Variants in SMG1 observed in about 807,000 individuals in gnomAD.
SMG1 encodes the protein SMG1 nonsense mediated mRNA decay associated PI3K related kinase.
SMG1 carries 22 observed loss-of-function variants against 419.9 expected under a neutral mutation model. The observed-to-expected ratio is 0.05, with a 90% CI of 0.04 to 0.07. The LOEUF is 0.07. Ranked by LOEUF, SMG1 falls within the 10% of genes least tolerant of loss-of-function variation. The pLI is 1.00. For synonymous variants in SMG1, 1,538 were observed against 1,553.5 expected, an observed-to-expected ratio of 0.99 and a Z score of 0.23; for missense variants, 3,185 against 4,342.0, an observed-to-expected ratio of 0.73 and a Z score of 7.49.
At chr16:18,841,926 T>A in intron 40 of SMG1, 132 bp from the exon 41 acceptor site, 1 of 806,990 alleles carries the variant, frequency 1.2e-6, no homozygotes, top group Non-Finnish European at 2.0e-6. Flanking sequence ...CATTAAAGAA[T>A]TCTATTTTGG....
intron 38 of SMG1, among the ~76,000 whole-genome samples, chr16:18,846,164 T>A (rs1411903837): frequency 6.6e-6 from 1 of 152,128 alleles, no homozygotes; most frequent in Non-Finnish European, 1.5e-5. Flanking sequence ...AGGCAGCTCC[T>A]CTTTTCAATG....
At chr16:18,889,696 C>A in intron 5 of SMG1, 111 bp from the exon 6 acceptor site, 1 of 598,546 alleles carries the variant, frequency 1.7e-6, no homozygotes, top group South Asian at 1.9e-5. Flanking sequence ...TTTTAAATTT[C>A]TATTCAAACT....
intron 1 of SMG1, among the ~76,000 whole-genome samples, chr16:18,913,200 T>C (rs1486728187): frequency 6.6e-6 from 1 of 152,066 alleles, no homozygotes; most frequent in Non-Finnish European, 1.5e-5. Context: ...ACTTCCACTA[T>C]TAAAATCAAA....
intron 6 of SMG1, among the ~76,000 whole-genome samples, chr16:18,888,499 A>G (rs2036736807): frequency 2.6e-5 from 4 of 151,082 alleles, no homozygotes; most frequent in Admixed American, 2.6e-4. Flanking sequence ...TTTTTGAGAC[A>G]GAGTCTGGCT....
chr16:18,839,764 C>A lies in SMG1; in HGVS notation c.6879G>T (p.Pro2293=), dbSNP rs771397728. The A allele has an allele frequency of 6.2e-7, 1 of 1,613,928 alleles. No individual in the cohort carries two copies. The highest frequency in any genetic ancestry group is 1.1e-5 in the South Asian group (1 of 91,074). The part of the protein sequence containing the change: ...VLEELMEATP[P]NLLAKELWSS... ...ACCAGAGCTCTTTGGCAAGGAGATT[C>A]GGGGGTGTGGCCTCCATTAACTCTT... Residue 2293 remains proline, a synonymous_variant, in exon 42 of 63, where the codon CCG becomes CCT. Coordinates refer to ENST00000446231, the MANE Select transcript of SMG1 (RefSeq NM_015092.5).
At chr16:18,915,837 G>A (rs2037951279) in intron 1 of SMG1, among the ~76,000 whole-genome samples, 1 of 151,822 alleles carries the variant, frequency 6.6e-6, no homozygotes, top group African/African-American at 2.4e-5. Context: ...GGGAGGCCGA[G>A]GCAGGTGGAT....
At chr16:18,901,110 C>T (rs1416776442) in intron 1 of SMG1, among the ~76,000 whole-genome samples, 1 of 152,144 alleles carries the variant, frequency 6.6e-6, no homozygotes, top group African/African-American at 2.4e-5. Context: ...AATGAGTATG[C>T]ATCAGTTTTG....
intron 22 of SMG1, among the ~76,000 whole-genome samples, chr16:18,867,585 A>AT (rs1434126474): frequency 2.0e-5 from 3 of 151,442 alleles, no homozygotes; most frequent in African/African-American, 4.8e-5. Context: ...CCATAAACAA[A>AT]TTTTCAGAAC....
At position 18,838,606 on chromosome 16, in the gene SMG1, T is replaced by C. The variant is rs778706089; in HGVS notation, c.7029A>G (p.Ile2343Met). 1 of 1,613,698 alleles carries C rather than the reference T, an allele frequency of 6.2e-7. No homozygotes were observed. Among genetic ancestry groups the C allele is most frequent in the South Asian group, 1.1e-5 (1 of 91,082 alleles). ...GAACAACTTCTCCAGTCGTCATATCTATAAGAACATTATCCAGATGTCTGT... is the reference window on the plus strand; with the variant it reads ...GAACAACTTCTCCAGTCGTCATATCCATAAGAACATTATCCAGATGTCTGT... ...LGDRHLDNVL[I>M]DMTTGEVVHI... Residue 2343 changes from isoleucine (I) to methionine (M), a missense_variant, in exon 43 of 63, where the codon ATA (isoleucine) becomes ATG (methionine). Ile to Met is a conservative substitution (Grantham distance 10, BLOSUM62 1). This residue lies in a region of SMG1 where 60 missense variants were observed against 133.9 expected (regional missense o/e 0.45). Transcript: ENST00000446231.
intron 10 of SMG1, among the ~76,000 whole-genome samples, chr16:18,881,709 T>C (rs191473447): frequency 5.1e-4 from 78 of 152,188 alleles, no homozygotes; most frequent in African/African-American, 1.6e-3. Flanking sequence ...CATTTTTAAT[T>C]TGTTTATGTT....
intron 1 of SMG1, among the ~76,000 whole-genome samples, chr16:18,904,722 G>A (rs1196308070): frequency 1.3e-5 from 2 of 150,074 alleles, no homozygotes; most frequent in South Asian, 2.1e-4. Flanking sequence ...GGATCATGAC[G>A]TCAGGAGTTC....
chr16:18,897,660 T>C (rs1288226141), intron 1 of SMG1, among the ~76,000 whole-genome samples: 1 of 152,164 alleles, frequency 6.6e-6, no homozygotes, highest in Non-Finnish European at 1.5e-5. Flanking sequence ...TGCTTATTAG[T>C]AAACAAGTAG....
intron 5 of SMG1, among the ~76,000 whole-genome samples, chr16:18,890,625 G>A (rs1340741945): frequency 6.6e-6 from 1 of 152,202 alleles, no homozygotes; most frequent in African/African-American, 2.4e-5. Context: ...ACTCCAGCCT[G>A]GGCGACAGGG....
chr16:18,864,985 A>T lies in SMG1; in HGVS notation c.3351-841T>A, dbSNP rs751178769. ...AAAAGAACTAGTGGAAAATATTGAT[A>T]AGTAGCTGATGTCAGTGTGTGGAAA... On this transcript the variant is annotated intron_variant, in intron 23 of 62. Transcript: ENST00000446231. 6.6e-5 allele frequency among the ~76,000 whole-genome samples: 10 copies of T among 152,230 alleles called. 1 individual carries two copies. The highest frequency in any genetic ancestry group is 1.5e-4 in the Non-Finnish European group (10 of 68,052).
chr16:18,908,289 C>G (rs866981578), intron 1 of SMG1, among the ~76,000 whole-genome samples: 1 of 149,648 alleles, frequency 6.7e-6, no homozygotes, highest in Admixed American at 6.7e-5. Context: ...AATCGCTTAC[C>G]CAGAGGCGGA....
intron 12 of SMG1, among the ~76,000 whole-genome samples, 190 bp from the exon 13 acceptor site, chr16:18,876,583 C>G (rs912638086): frequency 3.3e-5 from 5 of 151,680 alleles, no homozygotes; most frequent in Non-Finnish European, 2.9e-5. Context: ...GATCAGTATG[C>G]TATTTCAAGT....
Position 18,876,127 on chromosome 16 carries a change from T to A in SMG1, c.1887A>T (p.Ile629=). 1 of 1,611,784 alleles carries A rather than the reference T, an allele frequency of 6.2e-7. No individual in the cohort carries two copies. The highest frequency in any genetic ancestry group is 8.5e-7 in the Non-Finnish European group (1 of 1,179,674). ...TTIGNAKNSL[I]GMWALSPTVF... ...GTCATTACAATTAAAGACTCACCCC[T>A]ATTAGTGAGTTTTTGGCATTTCCAA... Residue 629 remains isoleucine, a synonymous_variant, in exon 13 of 63, where the codon ATA becomes ATT. Coordinates refer to ENST00000446231, the MANE Select transcript of SMG1 (RefSeq NM_015092.5).
At chr16:18,874,560 T>TAAA (rs531685275) in intron 13 of SMG1, among the ~76,000 whole-genome samples, 2 of 110,684 alleles carry the variant, frequency 1.8e-5, no homozygotes, top group Non-Finnish European at 3.7e-5. Flanking sequence ...TCGAATTACT[T>TAAA]AAAAAAAAAA....
At position 18,815,519 on chromosome 16, in the gene SMG1, G is replaced by C; in HGVS notation, c.10435C>G (p.Gln3479Glu). Residue 3479 changes from glutamine to glutamate, a missense_variant, in exon 59 of 63, where the codon CAG (glutamine) becomes GAG (glutamate). Coordinates refer to ENST00000446231, the MANE Select transcript of SMG1 (RefSeq NM_015092.5). ...TCAACGTGTTCTTGACTTCGAACCT[G>C]ACCCATAGCCTGGACTAATGTAAAT... ...VLFTLVQAMG[Q>E]VRSQEHVEML... is the part of the protein sequence containing the mutation. 6.2e-7 allele frequency: 1 copy of C among 1,613,942 alleles called. No individual in the cohort carries two copies. The highest frequency in any genetic ancestry group is 8.5e-7 in the Non-Finnish European group (1 of 1,179,878).
Sources: allele counts gnomAD v4.1 joint callset (sites outside exome capture counted in the v4.1 genomes callset), GRCh38; gene constraint gnomAD v4.1.1; regional missense constraint gnomAD v4.1.1; transcripts MANE v1.5; gene names NCBI Gene and HGNC (gene_info 2026-07-23, HGNC 2026-07-21).